The following OLFM3 variants were observed in gnomAD, a reference collection of about 807,000 sequenced individuals.
OLFM3 encodes the protein noelin-3.
OLFM3 carries 20 observed loss-of-function variants against 48.6 expected under a neutral mutation model. The observed-to-expected ratio is 0.41, with a 90% CI of 0.29 to 0.60. The LOEUF is 0.60. Ranked by LOEUF, OLFM3 falls within the 20% of genes least tolerant of loss-of-function variation. The probability of loss-of-function intolerance (pLI) is 0.28; values close to 1 mark genes in which losing one functional copy is unlikely to be tolerated. For synonymous variants in OLFM3, 222 were observed against 198.1 expected (o/e 1.12, Z -1.01); for missense variants, 437 against 544.3 (o/e 0.80, Z 1.96).
At chr1:101,957,660 G>A (rs1199802295) in intron 1 of OLFM3, among the ~76,000 whole-genome samples, 1 of 151,950 alleles carries the variant, frequency 6.6e-6, no homozygotes, top group Non-Finnish European at 1.5e-5. Flanking sequence ...TGAAATTTAA[G>A]AAAATTATAA....
At chr1:101,824,256 A>T (rs1375239461) in intron 4 of OLFM3, among the ~76,000 whole-genome samples, 1 of 152,096 alleles carries the variant, frequency 6.6e-6, no homozygotes, top group African/African-American at 2.4e-5. Flanking sequence ...ACTGATCCTA[A>T]ATTAACTTGT....
At chr1:101,989,905 C>T (rs1338618661) in intron 1 of OLFM3, among the ~76,000 whole-genome samples, 1 of 152,098 alleles carries the variant, frequency 6.6e-6, no homozygotes, top group Non-Finnish European at 1.5e-5. Context: ...GACCTTCCCT[C>T]CTTAATATTA....
rs569167051 is a variant in OLFM3 at position 101,808,683 on chromosome 1, C to T, written c.593-2501G>A. Among the ~76,000 whole-genome samples the T allele has an allele frequency of 8.6e-5, 13 of 151,952 alleles. No individual in the cohort carries two copies. The South Asian group carries it at 2.1e-3, about 24-fold the overall frequency. ...CAGAAGAAAGCCTCCTACACAATGA[C>T]GTTGGTGGTTTCCCTGCCTACTCAC... On this transcript the variant is annotated intron_variant, in intron 4 of 5. Coordinates refer to ENST00000370103, the MANE Select transcript of OLFM3 (RefSeq NM_058170.4).
chr1:101,819,964 T>C (rs1353038175), intron 4 of OLFM3, among the ~76,000 whole-genome samples: 2 of 152,068 alleles, frequency 1.3e-5, no homozygotes, highest in Non-Finnish European at 2.9e-5. Context: ...CCAATATTGC[T>C]GGAGTTATTG....
At chr1:101,806,884 G>A (rs1318042682) in intron 4 of OLFM3, among the ~76,000 whole-genome samples, 1 of 151,646 alleles carries the variant, frequency 6.6e-6, no homozygotes, top group Non-Finnish European at 1.5e-5. Context: ...AGACTTTAAT[G>A]AAAAAAGTTG....
At chr1:101,898,509 G>A (rs1658281874) in intron 1 of OLFM3, among the ~76,000 whole-genome samples, 2 of 152,224 alleles carry the variant, frequency 1.3e-5, no homozygotes, top group South Asian at 4.2e-4. Flanking sequence ...TGAGCAGTTT[G>A]GGGAACTAAT....
At position 101,922,912 on chromosome 1, in the gene OLFM3, C is replaced by T. The variant is rs1052015261; in HGVS notation, c.69+73836G>A. On this transcript the variant is annotated intron_variant, in intron 1 of 5. Coordinates refer to ENST00000370103, the MANE Select transcript of OLFM3 (RefSeq NM_058170.4). ...ATGATGAGGGGAGTACTGTACTAAGCAGCTGACATCCAATAATTCATTTAA... is the reference window on the plus strand; with the variant it reads ...ATGATGAGGGGAGTACTGTACTAAGTAGCTGACATCCAATAATTCATTTAA... Among the ~76,000 whole-genome samples, 4 of 152,288 alleles carry T rather than the reference C, an allele frequency of 2.6e-5. No individual in the cohort carries two copies. The East Asian group carries it at 5.8e-4, about 22-fold the overall frequency.
intron 1 of OLFM3, among the ~76,000 whole-genome samples, chr1:101,953,916 G>A (rs1254376162): frequency 6.6e-6 from 1 of 152,080 alleles, no homozygotes; most frequent in Non-Finnish European, 1.5e-5. Flanking sequence ...TCTGGGTTAT[G>A]AGGGAGAGTC....
chr1:101,864,290 T>G (rs929941698), intron 1 of OLFM3, among the ~76,000 whole-genome samples: 1 of 152,272 alleles, frequency 6.6e-6, no homozygotes, highest in East Asian at 1.9e-4. Flanking sequence ...AGTTACGTAG[T>G]CCTTTACACA....
chr1:101,881,368 G>C (rs1388222297), intron 1 of OLFM3, among the ~76,000 whole-genome samples: 1 of 151,820 alleles, frequency 6.6e-6, no homozygotes, highest in East Asian at 1.9e-4. Flanking sequence ...TGAACTTAGA[G>C]CTCTTCAATC....
chr1:101,899,179 C>T (rs961370886), intron 1 of OLFM3, among the ~76,000 whole-genome samples: 8 of 152,084 alleles, frequency 5.3e-5, no homozygotes, highest in African/African-American at 1.7e-4. Context: ...AAATTGGGGA[C>T]GATCGGCTTT....
intron 1 of OLFM3, among the ~76,000 whole-genome samples, chr1:101,984,420 A>G (rs1193667665): frequency 6.6e-6 from 1 of 152,102 alleles, no homozygotes; most frequent in Non-Finnish European, 1.5e-5. Context: ...GCCTTCTTCA[A>G]TAAGCAGTGC....
Position 101,803,688 on chromosome 1 carries a change from A to G in OLFM3, c.*550T>C, listed in dbSNP as rs1413553764. ...AAATACATACTGCCAATAAAATGTTAGCAAGAGATTTAAAAATGACTGTAC... is the reference window on the plus strand; with the variant it reads ...AAATACATACTGCCAATAAAATGTTGGCAAGAGATTTAAAAATGACTGTAC... On this transcript the variant is annotated 3_prime_UTR_variant, in exon 6 of 6. Transcript: ENST00000370103. 1.3e-5 allele frequency: 2 copies of G among 152,284 alleles called. No homozygotes were observed. The highest frequency in any genetic ancestry group is 2.9e-5 in the Non-Finnish European group (2 of 67,838). The allele number at this position is 152,284 out of a possible 1,614,324, so 9.4% of individuals were successfully genotyped here.
chr1:101,824,936 A>G (rs2100898544), intron 4 of OLFM3, 90 bp downstream of exon 4: 1 of 1,120,450 alleles, frequency 8.9e-7, no homozygotes, highest in Non-Finnish European at 1.3e-6. Context: ...ACAATTAGAT[A>G]TTTTATGACT....
chr1:101,896,055 C>T (rs377583168), intron 1 of OLFM3, among the ~76,000 whole-genome samples: 24 of 151,072 alleles, frequency 1.6e-4, no homozygotes, highest in South Asian at 1.0e-3. Flanking sequence ...AAAATATACA[C>T]GTACAAAGAT....
chr1:101,824,594 G>A (rs1654760352), intron 4 of OLFM3, among the ~76,000 whole-genome samples: 1 of 151,878 alleles, frequency 6.6e-6, no homozygotes, highest in Non-Finnish European at 1.5e-5. Flanking sequence ...TTGACATTTG[G>A]TCCCAGGGTA....
At chr1:101,978,913 A>G (rs1027052250) in intron 1 of OLFM3, among the ~76,000 whole-genome samples, 3 of 152,198 alleles carry the variant, frequency 2.0e-5, no homozygotes, top group Admixed American at 1.3e-4. Context: ...TGTATAATAG[A>G]TTAAGAGCCA....
chr1:101,910,672 T>C (rs1658730408), intron 1 of OLFM3, among the ~76,000 whole-genome samples: 1 of 152,214 alleles, frequency 6.6e-6, no homozygotes. Flanking sequence ...TTTTTATGTT[T>C]TTCCTTGGCA....
At position 101,897,466 on chromosome 1, in the gene OLFM3, T is replaced by C. The variant is rs981055550; in HGVS notation, c.70-60441A>G. ...AACGCTACTCCCTAATTTTAGGTTG[T>C]GAATGCCAAATTATAATGATCTCTA... On this transcript the variant is annotated intron_variant, in intron 1 of 5. Transcript: ENST00000370103. Among the ~76,000 whole-genome samples, 12 of 152,276 alleles carry C rather than the reference T, an allele frequency of 7.9e-5. No individual in the cohort carries two copies. In the East Asian group the frequency reaches 1.5e-3, roughly 20 times the overall value.
Sources: gnomAD v4.1 joint callset for allele counts (sites outside exome capture counted in the v4.1 genomes callset) on GRCh38, gnomAD v4.1.1 for gene constraint, MANE v1.5 for transcripts, NCBI Gene and HGNC (gene_info 2026-07-23, HGNC 2026-07-21) for gene names.